Variants in C7orf78 observed in about 807,000 individuals in gnomAD.
C7orf78 encodes the protein chromosome 7 open reading frame 78.
chr7:12,484,876 C>T, the C7orf78 span, among the ~76,000 whole-genome samples: 2 of 151,872 alleles, frequency 1.3e-5, no homozygotes, highest in Admixed American at 6.6e-5. Flanking sequence ...TTAAATGCTC[C>T]TCCCCCAAAT....
chr7:12,540,246 C>T, the C7orf78 span, among the ~76,000 whole-genome samples: 1 of 152,126 alleles, frequency 6.6e-6, no homozygotes, highest in East Asian at 1.9e-4. Flanking sequence ...AACTTATAGC[C>T]CTTCTCTAAA....
At chr7:12,500,644 C>A in the C7orf78 span, among the ~76,000 whole-genome samples, 1 of 151,946 alleles carries the variant, frequency 6.6e-6, no homozygotes, top group African/African-American at 2.4e-5. Flanking sequence ...CGAATTCTAC[C>A]AGAGGTACAA....
At chr7:12,486,538 T>C in the C7orf78 span, among the ~76,000 whole-genome samples, 1 of 152,062 alleles carries the variant, frequency 6.6e-6, no homozygotes, top group Non-Finnish European at 1.5e-5. Context: ...ATTTATGTTT[T>C]TCCTATTTCT....
At chr7:12,490,364 G>A in the C7orf78 span, among the ~76,000 whole-genome samples, 1 of 152,210 alleles carries the variant, frequency 6.6e-6, no homozygotes, top group Admixed American at 6.5e-5. Context: ...GTAAACAAGA[G>A]CCCAGGACGA....
At chr7:12,512,612 C>G in the C7orf78 span, among the ~76,000 whole-genome samples, 1 of 152,136 alleles carries the variant, frequency 6.6e-6, no homozygotes, top group South Asian at 2.1e-4. Flanking sequence ...CAGATTTTTG[C>G]ACCTCTGTTC....
At chr7:12,525,399 AAAG>A in the C7orf78 span, among the ~76,000 whole-genome samples, 11 of 152,144 alleles carry the variant, frequency 7.2e-5, no homozygotes, top group Non-Finnish European at 1.5e-4. Flanking sequence ...TATGTGTCTG[AAAG>A]AAGTTCAGCT....
the C7orf78 span, among the ~76,000 whole-genome samples, chr7:12,536,536 C>T: frequency 1.3e-5 from 2 of 152,184 alleles, no homozygotes; most frequent in Non-Finnish European, 2.9e-5. Context: ...ACATTTCCCC[C>T]ATTGTCTTGG....
At chr7:12,537,130 C>G in the C7orf78 span, among the ~76,000 whole-genome samples, 1 of 152,186 alleles carries the variant, frequency 6.6e-6, no homozygotes, top group African/African-American at 2.4e-5. Flanking sequence ...AGTTCATTCT[C>G]ACACTGCTGA....
chr7:12,521,937 T>C, the C7orf78 span, among the ~76,000 whole-genome samples: 1 of 151,968 alleles, frequency 6.6e-6, no homozygotes, highest in South Asian at 2.1e-4. Flanking sequence ...TCTCTCAATA[T>C]GGCATAGCCC....
At chr7:12,510,310 A>C in the C7orf78 span, among the ~76,000 whole-genome samples, 6 of 151,954 alleles carry the variant, frequency 3.9e-5, no homozygotes, top group Non-Finnish European at 8.8e-5. Flanking sequence ...TCAGCCTCCC[A>C]AGTAGCTGGG....
chr7:12,508,316 A>T, the C7orf78 span, among the ~76,000 whole-genome samples: 1 of 152,162 alleles, frequency 6.6e-6, no homozygotes, highest in African/African-American at 2.4e-5. Context: ...AAATATGCTT[A>T]TTTTTGAGAA....
the C7orf78 span, among the ~76,000 whole-genome samples, chr7:12,508,254 C>T: frequency 2.0e-5 from 3 of 152,154 alleles, no homozygotes; most frequent in Admixed American, 6.6e-5. Context: ...CTTTAGGGCT[C>T]AGTCATTTGA....
chr7:12,498,628 C>G, the C7orf78 span, among the ~76,000 whole-genome samples: 3 of 152,018 alleles, frequency 2.0e-5, no homozygotes, highest in Non-Finnish European at 4.4e-5. Flanking sequence ...TGAAAGTGAC[C>G]AGGAGAATGG....
At chr7:12,513,612 C>G in the C7orf78 span, among the ~76,000 whole-genome samples, 1 of 152,070 alleles carries the variant, frequency 6.6e-6, no homozygotes, top group East Asian at 1.9e-4. Flanking sequence ...TGAGAAAATA[C>G]TTAATATAAC....
At chr7:12,519,208 C>A in the C7orf78 span, among the ~76,000 whole-genome samples, 12,841 of 152,174 alleles carry the variant, frequency 0.084, 789 homozygotes, top group African/African-American at 0.18. Flanking sequence ...GAGGCAGCAG[C>A]TGCAACAGCA....
the C7orf78 span, among the ~76,000 whole-genome samples, chr7:12,521,993 TCA>T: frequency 1.3e-5 from 2 of 152,054 alleles, no homozygotes; most frequent in Admixed American, 1.3e-4. Flanking sequence ...AAACAATCCA[TCA>T]CTGCAAAATA....
At chr7:12,514,371 C>T in the C7orf78 span, among the ~76,000 whole-genome samples, 6 of 151,822 alleles carry the variant, frequency 4.0e-5, no homozygotes, top group Non-Finnish European at 8.8e-5. Context: ...TACAGCTACT[C>T]TTCTTTGCTT....
chr7:12,487,904 G>A, the C7orf78 span, among the ~76,000 whole-genome samples: 3 of 152,066 alleles, frequency 2.0e-5, no homozygotes, highest in Admixed American at 2.0e-4. Context: ...TCTAGCATGG[G>A]AAACACCAGG....
At chr7:12,527,546 T>C in the C7orf78 span, among the ~76,000 whole-genome samples, 13,205 of 51,256 alleles carry the variant, frequency 0.26, 1,717 homozygotes, top group Middle Eastern at 0.38. Flanking sequence ...TGCCATCTAG[T>C]TGTGTAATTG....
Sources: gnomAD v4.1 joint callset for allele counts (sites outside exome capture counted in the v4.1 genomes callset) on GRCh38, gnomAD v4.1.1 for gene constraint, MANE v1.5 for transcripts, NCBI Gene and HGNC (gene_info 2026-07-23, HGNC 2026-07-21) for gene names.